The following CREBBP variants were observed in gnomAD, a reference collection of about 807,000 sequenced individuals.
CREBBP encodes CREB binding lysine acetyltransferase.
In CREBBP, 19 loss-of-function variants were observed where a neutral mutation model predicts 265.0. The ratio of observed to expected loss-of-function variants is 0.07; its 90% confidence interval spans 0.05 to 0.11. The LOEUF is 0.11. Among genes scored for constraint, CREBBP ranks in the 10% least tolerant of loss-of-function variants. The pLI is 1.00. For missense variants in CREBBP, 2,525 were observed against 3,219.0 expected (o/e 0.78, Z 5.22); for synonymous variants, 1,457 against 1,223.7 (o/e 1.19, Z -3.98).
At chr16:3,831,083 C>A (rs1056374326) in intron 2 of CREBBP, among the ~76,000 whole-genome samples, 1 of 152,180 alleles carries the variant, frequency 6.6e-6, no homozygotes, top group African/African-American at 2.4e-5. Context: ...CCTGATCATT[C>A]TTTTCAAGTA....
At chr16:3,855,230 G>A (rs2054934132) in intron 1 of CREBBP, among the ~76,000 whole-genome samples, 3 of 152,156 alleles carry the variant, frequency 2.0e-5, no homozygotes, top group African/African-American at 4.8e-5. Context: ...AAGGATCAAA[G>A]GTTCCCTGGC....
chr16:3,730,211 G>A (rs2051876611), intron 30 of CREBBP, among the ~76,000 whole-genome samples: 1 of 152,154 alleles, frequency 6.6e-6, no homozygotes, highest in African/African-American at 2.4e-5. Flanking sequence ...AAGAACCCCT[G>A]GCCTGTAAGC....
At chr16:3,866,494 C>T (rs1050483077) in intron 1 of CREBBP, among the ~76,000 whole-genome samples, 1 of 152,152 alleles carries the variant, frequency 6.6e-6, no homozygotes, top group African/African-American at 2.4e-5. Context: ...CAGGAATTAA[C>T]TAAAACTTTG....
At chr16:3,852,701 A>G (rs776290898) in intron 1 of CREBBP, among the ~76,000 whole-genome samples, 1 of 152,228 alleles carries the variant, frequency 6.6e-6, no homozygotes, top group Non-Finnish European at 1.5e-5. Flanking sequence ...TAAATGGACA[A>G]AAGACATAAG....
chr16:3,853,163 T>C (rs1270695914), intron 1 of CREBBP, among the ~76,000 whole-genome samples: 1 of 152,152 alleles, frequency 6.6e-6, no homozygotes, highest in Non-Finnish European at 1.5e-5. Context: ...CAATGGCCCC[T>C]ACACCTCATA....
Position 3,778,748 on chromosome 16 carries a change from G to A in CREBBP, c.1893C>T (p.Ala631=), listed in dbSNP as rs2053203689. 1.9e-6 allele frequency: 3 copies of A among 1,613,974 alleles called. No individual in the cohort carries two copies. Among genetic ancestry groups the A allele is most frequent in the Admixed American group, 1.7e-5 (1 of 60,004 alleles). ...LKDRRMENLV[A]YAKKVEGDMY... is the part of the protein sequence containing the mutation. ...TGTCCCCTTCCACTTTCTTAGCATA[G>A]GCTACCAGGTTTTCCATGCGGCGAT... Residue 631 remains alanine (A), a synonymous_variant, in exon 9 of 31, where the codon GCC becomes GCT. Transcript: ENST00000262367.
intron 27 of CREBBP, 110 bp from the exon 28 acceptor site, chr16:3,736,313 C>T (rs1323504254): frequency 8.6e-7 from 1 of 1,161,648 alleles, no homozygotes; most frequent in Non-Finnish European, 1.3e-6. Context: ...TGGCAGAGTC[C>T]CATGCATGTG....
In CREBBP at chr16:3,729,842, C is replaced by A. The variant is rs772658365; in HGVS notation, c.5205G>T (p.Thr1735=). The change falls in exon 31 of 31, where the codon ACG becomes ACT. Residue 1735 remains threonine (T), a synonymous_variant. Coordinates refer to ENST00000262367, the MANE Select transcript of CREBBP (RefSeq NM_004380.3). ...DYDLCINCYN[T]KSHAHKMVKW... ...TCACCATCTTATGGGCATGGCTCTT[C>A]GTGTTATAGCAGTTGATGCAGAGGT... is the stretch of plus-strand genomic sequence containing the variant. 6.2e-7 allele frequency: 1 copy of A among 1,603,486 alleles called. No homozygotes were observed. Among genetic ancestry groups the A allele is most frequent in the South Asian group, 1.1e-5 (1 of 91,074 alleles).
intron 2 of CREBBP, among the ~76,000 whole-genome samples, chr16:3,814,233 G>GTC: frequency 1.5e-5 from 2 of 131,576 alleles, no homozygotes; most frequent in African/African-American, 6.1e-5. Context: ...GTGTGTGTGT[G>GTC]TGTGTGTGTG....
intron 8 of CREBBP, among the ~76,000 whole-genome samples, chr16:3,779,923 G>T (rs1019143244): frequency 1.3e-5 from 2 of 151,926 alleles, no homozygotes; most frequent in South Asian, 4.2e-4. Context: ...GGGTAACCTG[G>T]CAAGACTCCG....
Position 3,828,773 on chromosome 16 carries a change from G to A in CREBBP, c.799-17994C>T, listed in dbSNP as rs141303598. ...ATTCTACCACTTTCAAACATGTGTCGTCTTGAATAATTTTCTGCATAGGCA... is the reference window on the plus strand; with the variant it reads ...ATTCTACCACTTTCAAACATGTGTCATCTTGAATAATTTTCTGCATAGGCA... On this transcript the variant is annotated intron_variant, in intron 2 of 30. Coordinates refer to ENST00000262367, the MANE Select transcript of CREBBP (RefSeq NM_004380.3). 1.1e-3 allele frequency among the ~76,000 whole-genome samples: 160 copies of A among 152,232 alleles called. 1 individual carries two copies. The highest frequency in any genetic ancestry group is 3.5e-3 in the African/African-American group (147 of 41,526).
intron 15 of CREBBP, 129 bp downstream of exon 15, chr16:3,769,045 G>A (rs1415570520): frequency 6.6e-6 from 7 of 1,057,000 alleles, no homozygotes; most frequent in South Asian, 3.9e-5. Flanking sequence ...ACCAAACCCC[G>A]AACCCACATT....
At chr16:3,872,381 G>C (rs1285361265) in intron 1 of CREBBP, among the ~76,000 whole-genome samples, 3 of 152,142 alleles carry the variant, frequency 2.0e-5, no homozygotes, top group Admixed American at 2.0e-4. Context: ...GACGCCCCGG[G>C]GACTCTGCTC....
chr16:3,735,246 CTTTT>C (rs2052023349), intron 28 of CREBBP, among the ~76,000 whole-genome samples: 1 of 152,198 alleles, frequency 6.6e-6, no homozygotes, highest in Non-Finnish European at 1.5e-5. Context: ...GGTCTGGGTT[CTTTT>C]TGTTTCACAT....
chr16:3,807,552 A>G (rs1287288894), intron 3 of CREBBP, among the ~76,000 whole-genome samples: 1 of 152,244 alleles, frequency 6.6e-6, no homozygotes, highest in African/African-American at 2.4e-5. Context: ...AACTGCAGAC[A>G]AACTGTGTAA....
At chr16:3,756,748 G>A (rs2052595193) in intron 19 of CREBBP, among the ~76,000 whole-genome samples, 1 of 152,086 alleles carries the variant, frequency 6.6e-6, no homozygotes, top group South Asian at 2.1e-4. Context: ...AAATTACCAG[G>A]CAAATATTTG....
At chr16:3,747,283 T>C (rs1301123463) in intron 21 of CREBBP, among the ~76,000 whole-genome samples, 3 of 152,246 alleles carry the variant, frequency 2.0e-5, no homozygotes, top group South Asian at 2.1e-4. Context: ...CCTCAGCACA[T>C]TATAGGATAA....
At chr16:3,852,330 G>A (rs1339606295) in intron 1 of CREBBP, among the ~76,000 whole-genome samples, 2 of 150,932 alleles carry the variant, frequency 1.3e-5, no homozygotes, top group African/African-American at 4.9e-5. Context: ...CACCATGCCC[G>A]GCTAATTTTT....
chr16:3,737,642 T>G (rs2151332164), intron 26 of CREBBP, among the ~76,000 whole-genome samples: 1 of 152,118 alleles, frequency 6.6e-6, no homozygotes, highest in Admixed American at 6.5e-5. Flanking sequence ...TTTTGTATTT[T>G]TAGTACAGAC....
Sources: allele counts gnomAD v4.1 joint callset (sites outside exome capture counted in the v4.1 genomes callset), GRCh38; gene constraint gnomAD v4.1.1; transcripts MANE v1.5; gene names NCBI Gene and HGNC (gene_info 2026-07-23, HGNC 2026-07-21).